SAMMSON: variants seen among roughly 807,000 people sequenced by gnomAD.
SAMMSON encodes the protein long intergenic non-protein coding RNA 1212.
At chr3:70,280,612 G>T (rs1702072510) in intron 6 of SAMMSON, among the ~76,000 whole-genome samples, 1 of 152,124 alleles carries the variant, frequency 6.6e-6, no homozygotes, top group Admixed American at 6.6e-5. Flanking sequence ...CAGAAGCAAA[G>T]GTTCTTCTCT....
At chr3:70,251,774 CCT>C (rs1394187914) in intron 6 of SAMMSON, among the ~76,000 whole-genome samples, 1 of 152,192 alleles carries the variant, frequency 6.6e-6, no homozygotes, top group African/African-American at 2.4e-5. Flanking sequence ...GTAGAACGGA[CCT>C]AGGCACACCT....
At chr3:70,085,892 A>G (rs898988759) in intron 4 of SAMMSON, among the ~76,000 whole-genome samples, 3 of 152,204 alleles carry the variant, frequency 2.0e-5, no homozygotes, top group African/African-American at 4.8e-5. Context: ...TAAGCTGATC[A>G]ACAAATGAAA....
At chr3:70,404,406 A>G (rs933023414) in intron 2 of SAMMSON, among the ~76,000 whole-genome samples, 17 of 152,296 alleles carry the variant, frequency 1.1e-4, no homozygotes, top group African/African-American at 3.4e-4. Context: ...TCCATATGGC[A>G]GTTTTGATCT....
intron 7 of SAMMSON, among the ~76,000 whole-genome samples, chr3:70,323,775 G>T (rs115297927): frequency 1.8e-3 from 268 of 152,164 alleles, no homozygotes; most frequent in African/African-American, 6.2e-3. Flanking sequence ...TTGTTGTGAG[G>T]CCACAGTTCA....
intron 4 of SAMMSON, among the ~76,000 whole-genome samples, chr3:70,145,124 T>C (rs2067543122): frequency 6.6e-6 from 1 of 152,026 alleles, no homozygotes; most frequent in Non-Finnish European, 1.5e-5. Context: ...AAATCTCAGG[T>C]CACAGAAAAC....
intron 2 of SAMMSON, among the ~76,000 whole-genome samples, chr3:70,405,336 G>C (rs769140678): frequency 1.3e-5 from 2 of 152,044 alleles, no homozygotes; most frequent in Non-Finnish European, 2.9e-5. Flanking sequence ...AAAAATCCTG[G>C]CATTTAACAA....
intron 9 of SAMMSON, among the ~76,000 whole-genome samples, chr3:70,382,125 G>A (rs750438369): frequency 3.5e-4 from 53 of 152,220 alleles, no homozygotes; most frequent in Middle Eastern, 3.4e-3. Flanking sequence ...GGAAGATGTA[G>A]ACAATCTTCA....
chr3:70,019,667 C>T (rs997998282), intron 3 of SAMMSON, among the ~76,000 whole-genome samples: 6 of 152,182 alleles, frequency 3.9e-5, no homozygotes, highest in African/African-American at 7.2e-5. Context: ...GATGCAGTTT[C>T]TTCCTAGCAT....
intron 4 of SAMMSON, among the ~76,000 whole-genome samples, chr3:70,214,061 G>A (rs1701379138): frequency 6.6e-6 from 1 of 151,984 alleles, no homozygotes; most frequent in Admixed American, 6.6e-5. Context: ...GAGGGATGAA[G>A]GCTTCTAAAA....
intron 4 of SAMMSON, among the ~76,000 whole-genome samples, chr3:70,075,537 G>C (rs1357445510): frequency 6.6e-6 from 1 of 152,106 alleles, no homozygotes; most frequent in Non-Finnish European, 1.5e-5. Context: ...CTTATTTGTT[G>C]AGTTTTGCCA....
chr3:70,088,061 T>C (rs2067292166), intron 4 of SAMMSON, among the ~76,000 whole-genome samples: 2 of 152,184 alleles, frequency 1.3e-5, no homozygotes, highest in African/African-American at 4.8e-5. Flanking sequence ...TTTGCCTTCT[T>C]TCCGTTCTTT....
At chr3:70,193,667 A>T (rs908237785) in intron 4 of SAMMSON, among the ~76,000 whole-genome samples, 8 of 152,150 alleles carry the variant, frequency 5.3e-5, no homozygotes, top group African/African-American at 1.9e-4. Context: ...CTTAAACCAA[A>T]TATTTATATT....
chr3:70,143,795 C>T (rs1479443964), intron 4 of SAMMSON, among the ~76,000 whole-genome samples: 1 of 152,110 alleles, frequency 6.6e-6, no homozygotes, highest in African/African-American at 2.4e-5. Flanking sequence ...GAACCCTGAC[C>T]ACATCTTTGT....
chr3:70,346,985 T>G (rs1392470356), intron 7 of SAMMSON, among the ~76,000 whole-genome samples: 1 of 152,230 alleles, frequency 6.6e-6, no homozygotes, highest in South Asian at 2.1e-4. Context: ...CATGCGCTGA[T>G]TACCCACTGA....
chr3:70,150,376 G>T (rs1034813974), intron 4 of SAMMSON, among the ~76,000 whole-genome samples: 2 of 152,016 alleles, frequency 1.3e-5, no homozygotes. Flanking sequence ...GGGAAATACA[G>T]TTCGTATGTT....
intron 4 of SAMMSON, among the ~76,000 whole-genome samples, chr3:70,192,107 G>A (rs1701135313): frequency 6.6e-6 from 1 of 152,008 alleles, no homozygotes; most frequent in Non-Finnish European, 1.5e-5. Flanking sequence ...TTAGTAGATG[G>A]CATTGCAATC....
chr3:70,076,310 G>A (rs2067248411), intron 4 of SAMMSON, among the ~76,000 whole-genome samples: 1 of 152,136 alleles, frequency 6.6e-6, no homozygotes, highest in African/African-American at 2.4e-5. Context: ...GAAACAAAAG[G>A]TAAATCCTAT....
intron 4 of SAMMSON, among the ~76,000 whole-genome samples, chr3:70,139,816 A>G (rs751606694): frequency 3.3e-5 from 5 of 152,134 alleles, no homozygotes; most frequent in East Asian, 1.9e-4. Context: ...AGAGTGTGCA[A>G]TACATCTTAT....
chr3:70,380,379 T>A (rs1703055404), intron 9 of SAMMSON, among the ~76,000 whole-genome samples: 1 of 152,144 alleles, frequency 6.6e-6, no homozygotes, highest in African/African-American at 2.4e-5. Context: ...TAACATACTA[T>A]TTGAATTGGA....
Sources: gnomAD v4.1 joint callset for allele counts (sites outside exome capture counted in the v4.1 genomes callset) on GRCh38, gnomAD v4.1.1 for gene constraint, MANE v1.5 for transcripts, NCBI Gene and HGNC (gene_info 2026-07-23, HGNC 2026-07-21) for gene names.